MYT1L: variants seen among roughly 807,000 people sequenced by gnomAD.
MYT1L encodes the protein myelin transcription factor 1-like protein.
Under a neutral mutation model 126.7 loss-of-function variants are expected in MYT1L, and 12 were observed. That is an observed-to-expected ratio of 0.09 (90% confidence interval 0.06 to 0.15). The LOEUF (loss-of-function observed/expected upper bound fraction) is 0.15, where lower values mean the gene tolerates loss of function less well. MYT1L is among the 10% of genes least tolerant of loss of function. The pLI is 1.00. For missense variants in MYT1L, 979 were observed against 1,585.2 expected, an observed-to-expected ratio of 0.62 and a Z score of 6.49; for synonymous variants, 541 against 604.2, an observed-to-expected ratio of 0.90 and a Z score of 1.53.
chr2:2,251,281 T>A (rs186511900), intron 2 of MYT1L, among the ~76,000 whole-genome samples: 4 of 152,320 alleles, frequency 2.6e-5, no homozygotes, highest in African/African-American at 9.6e-5. Flanking sequence ...CCTTTTATTA[T>A]TAGTAAGATA....
intron 21 of MYT1L, among the ~76,000 whole-genome samples, chr2:1,809,465 T>G (rs2147993839): frequency 6.6e-6 from 1 of 152,330 alleles, no homozygotes; most frequent in Non-Finnish European, 1.5e-5. Flanking sequence ...AATCTGCCCT[T>G]CATTGTATAA....
At chr2:2,067,249 T>C (rs185764061) in intron 3 of MYT1L, among the ~76,000 whole-genome samples, 1 of 152,176 alleles carries the variant, frequency 6.6e-6, no homozygotes, top group Admixed American at 6.5e-5. Flanking sequence ...ATCTATAAAA[T>C]AGAATAAAAA....
At chr2:1,829,663 T>G (rs2039857618) in intron 21 of MYT1L, among the ~76,000 whole-genome samples, 1 of 131,556 alleles carries the variant, frequency 7.6e-6, no homozygotes, top group Non-Finnish European at 1.6e-5. Context: ...GAACTGACCC[T>G]CCCATACACC....
chr2:1,821,068 T>TGAACCCGTCCATATATAG (rs1344330086), intron 21 of MYT1L, among the ~76,000 whole-genome samples: 3 of 152,222 alleles, frequency 2.0e-5, no homozygotes, highest in African/African-American at 7.2e-5. Flanking sequence ...TTCCTTGTGA[T>TGAACCCGTCCATATATAG]GAACCCGTCC....
At chr2:1,870,903 G>A (rs2046197068) in intron 18 of MYT1L, among the ~76,000 whole-genome samples, 1 of 152,220 alleles carries the variant, frequency 6.6e-6, no homozygotes, top group South Asian at 2.1e-4. Flanking sequence ...ACCCAGCTCT[G>A]CGAGCTGCCC....
intron 2 of MYT1L, among the ~76,000 whole-genome samples, chr2:2,236,830 T>TGATGGAG: frequency 7.0e-6 from 1 of 143,134 alleles, no homozygotes; most frequent in East Asian, 2.1e-4. Flanking sequence ...TTTTTTTTTT[T>TGATGGAG]TTGATGGAGT....
intron 2 of MYT1L, among the ~76,000 whole-genome samples, chr2:2,249,832 A>C (rs1021707809): frequency 4.6e-5 from 7 of 152,202 alleles, no homozygotes; most frequent in African/African-American, 1.4e-4. Context: ...TTTATAAAAA[A>C]AACTAATAAT....
intron 11 of MYT1L, among the ~76,000 whole-genome samples, chr2:1,913,956 C>T: frequency 6.6e-6 from 1 of 152,110 alleles, no homozygotes; most frequent in East Asian, 1.9e-4. Flanking sequence ...CAACAAGAGG[C>T]TTTTACTCAA....
intron 3 of MYT1L, among the ~76,000 whole-genome samples, chr2:2,119,320 A>G (rs1354280124): frequency 6.6e-6 from 1 of 152,252 alleles, no homozygotes; most frequent in Admixed American, 6.5e-5. Flanking sequence ...TTAAGAATTC[A>G]TGCTTACAGT....
chr2:1,859,956 G>A (rs1258048709), intron 18 of MYT1L, among the ~76,000 whole-genome samples: 1 of 152,232 alleles, frequency 6.6e-6, no homozygotes, highest in East Asian at 1.9e-4. Flanking sequence ...GGCTGTTTGG[G>A]GAGCACCCAG....
rs566072839 is a variant in MYT1L, at chr2:1,821,751, C to A, written c.3081-12584G>T. 8.5e-5 allele frequency among the ~76,000 whole-genome samples: 13 copies of A among 152,250 alleles called. No individual in the cohort carries two copies. The South Asian group carries it at 2.7e-3, about 32-fold the overall frequency. Reference sequence around the variant, plus strand: ...GAGGCCCCTGCTCTGTCTGGAGTGGCGGGGAGTGGAGAAGGCAGAGGAGCA... The same window carrying A: ...GAGGCCCCTGCTCTGTCTGGAGTGGAGGGGAGTGGAGAAGGCAGAGGAGCA... On this transcript the variant is annotated intron_variant, in intron 21 of 24. Transcript: ENST00000647738.
intron 2 of MYT1L, among the ~76,000 whole-genome samples, chr2:2,220,377 A>T (rs2093823163): frequency 1.3e-5 from 2 of 152,084 alleles, no homozygotes; most frequent in Non-Finnish European, 2.9e-5. Flanking sequence ...CTGATTGACA[A>T]GTGGCTGAGT....
At chr2:2,253,746 G>A (rs951181292) in intron 2 of MYT1L, among the ~76,000 whole-genome samples, 4 of 147,206 alleles carry the variant, frequency 2.7e-5, no homozygotes, top group East Asian at 4.0e-4. Context: ...AACAGGAAGC[G>A]GGGCAGGAGG....
At chr2:2,164,455 A>G (rs1484541339) in intron 3 of MYT1L, among the ~76,000 whole-genome samples, 2 of 152,284 alleles carry the variant, frequency 1.3e-5, no homozygotes, top group East Asian at 1.9e-4. Context: ...CGTGGGGATC[A>G]TGACATCTCT....
intron 3 of MYT1L, among the ~76,000 whole-genome samples, chr2:2,062,095 C>A (rs768814152): frequency 6.6e-6 from 1 of 152,230 alleles, no homozygotes; most frequent in Admixed American, 6.5e-5. Flanking sequence ...ATGCGCTCCA[C>A]GCCCAAGCCC....
chr2:2,129,919 A>AG (rs1310668359), intron 3 of MYT1L, among the ~76,000 whole-genome samples: 4 of 151,732 alleles, frequency 2.6e-5, no homozygotes, highest in Non-Finnish European at 5.9e-5. Flanking sequence ...AAAAAAAAAA[A>AG]AATTAACTTC....
At chr2:1,822,532 A>G (rs1041448134) in intron 21 of MYT1L, among the ~76,000 whole-genome samples, 5 of 152,170 alleles carry the variant, frequency 3.3e-5, no homozygotes, top group Non-Finnish European at 7.3e-5. Flanking sequence ...CTGCCACAGG[A>G]TGGCGAGGGC....
chr2:2,209,960 C>G (rs922433277), intron 2 of MYT1L, among the ~76,000 whole-genome samples: 6 of 152,166 alleles, frequency 3.9e-5, no homozygotes, highest in African/African-American at 1.4e-4. Context: ...TTGTTATTGC[C>G]TTCCTTTTGG....
intron 22 of MYT1L, among the ~76,000 whole-genome samples, chr2:1,802,467 C>T (rs1382337713): frequency 6.6e-6 from 1 of 152,218 alleles, no homozygotes; most frequent in African/African-American, 2.4e-5. Context: ...TAAAAAATCT[C>T]ATTCTGAATG....
Sources: gnomAD v4.1 joint callset for allele counts (sites outside exome capture counted in the v4.1 genomes callset) on GRCh38, gnomAD v4.1.1 for gene constraint, MANE v1.5 for transcripts, NCBI Gene and HGNC (gene_info 2026-07-23, HGNC 2026-07-21) for gene names.